ELAVL2: variants seen among roughly 807,000 people sequenced by gnomAD.
The protein encoded by ELAVL2 is ELAV like RNA binding protein 2.
In ELAVL2, 4 loss-of-function variants were observed where a neutral mutation model predicts 34.6. The observed-to-expected ratio is 0.12, with a 90% confidence interval of 0.06 to 0.26. The LOEUF (loss-of-function observed/expected upper bound fraction) is 0.26, where lower values mean the gene tolerates loss of function less well. Ranked by LOEUF, ELAVL2 falls within the 10% of genes least tolerant of loss-of-function variation. The probability of loss-of-function intolerance (pLI) is 1.00; values close to 1 mark genes in which losing one functional copy is unlikely to be tolerated. For missense variants in ELAVL2, 432 were observed against 442.8 expected, an observed-to-expected ratio of 0.98 and a Z score of 0.22; for synonymous variants, 193 against 154.8, an observed-to-expected ratio of 1.25 and a Z score of -1.83.
the ELAVL2 span, among the ~76,000 whole-genome samples, chr9:23,837,931 G>A: frequency 1.3e-5 from 2 of 152,132 alleles, no homozygotes; most frequent in Non-Finnish European, 2.9e-5. Flanking sequence ...ATAGGATTTT[G>A]AGAAATATTT....
chr9:23,765,944 A>T (rs1306586423), intron 1 of ELAVL2, among the ~76,000 whole-genome samples: 4 of 152,166 alleles, frequency 2.6e-5, no homozygotes, highest in Non-Finnish European at 4.4e-5. Context: ...CCAAATACCA[A>T]ACAGAGCCAT....
At chr9:23,733,561 G>A (rs987943893) in intron 2 of ELAVL2, among the ~76,000 whole-genome samples, 5 of 152,182 alleles carry the variant, frequency 3.3e-5, no homozygotes, top group Non-Finnish European at 5.9e-5. Flanking sequence ...GGTACACGTG[G>A]ATGTGTTTCT....
chr9:23,804,011 GA>G (rs1470173875), intron 1 of ELAVL2, among the ~76,000 whole-genome samples: 2 of 152,138 alleles, frequency 1.3e-5, no homozygotes, highest in African/African-American at 4.8e-5. Flanking sequence ...TCATATGTAG[GA>G]AAAGTGCAAA....
chr9:23,840,205 A>AG, the ELAVL2 span, among the ~76,000 whole-genome samples: 1 of 152,186 alleles, frequency 6.6e-6, no homozygotes, highest in Non-Finnish European at 1.5e-5. Flanking sequence ...TAAGTGACTA[A>AG]AGTATTTGTC....
intron 1 of ELAVL2, among the ~76,000 whole-genome samples, chr9:23,764,136 C>G (rs538803049): frequency 6.6e-6 from 1 of 152,058 alleles, no homozygotes. Context: ...AACCCTTGCC[C>G]AGCAGTTATG....
chr9:23,760,646 A>T (rs1476848485), intron 2 of ELAVL2, among the ~76,000 whole-genome samples: 2 of 152,074 alleles, frequency 1.3e-5, no homozygotes, highest in African/African-American at 2.4e-5. Context: ...GAAATTGAAA[A>T]ATCTCATCCA....
chr9:23,795,662 G>A (rs2060832577), intron 1 of ELAVL2, among the ~76,000 whole-genome samples: 1 of 152,136 alleles, frequency 6.6e-6, no homozygotes, highest in East Asian at 1.9e-4. Flanking sequence ...ATAAAATACA[G>A]AACCTCTTAC....
At chr9:23,705,577 CT>C (rs1325658372) in intron 3 of ELAVL2, among the ~76,000 whole-genome samples, 1 of 152,192 alleles carries the variant, frequency 6.6e-6, no homozygotes, top group Non-Finnish European at 1.5e-5. Context: ...GGTCCCCAAC[CT>C]TTTTGGTACC....
At chr9:23,823,348 G>C (rs2065067021) in intron 1 of ELAVL2, among the ~76,000 whole-genome samples, 1 of 152,160 alleles carries the variant, frequency 6.6e-6, no homozygotes, top group African/African-American at 2.4e-5. Flanking sequence ...AAAACTCTTA[G>C]AATGCCCTAC....
At chr9:23,795,413 C>T (rs1002633991) in intron 1 of ELAVL2, among the ~76,000 whole-genome samples, 2 of 152,046 alleles carry the variant, frequency 1.3e-5, no homozygotes, top group Non-Finnish European at 2.9e-5. Context: ...TGTGGTGGTA[C>T]ATGGCTGTAG....
At chr9:23,692,971 C>T in intron 6 of ELAVL2, 87 bp from the exon 7 acceptor site, 2 of 1,259,064 alleles carry the variant, frequency 1.6e-6, no homozygotes, top group Non-Finnish European at 2.2e-6. Flanking sequence ...CCTTTTCCAT[C>T]CCCAAGAATT....
chr9:23,694,873 CGTGT>C (rs539172313), intron 5 of ELAVL2, among the ~76,000 whole-genome samples: 3 of 151,656 alleles, frequency 2.0e-5, no homozygotes, highest in East Asian at 1.9e-4. Context: ...GTGCGTGGTG[CGTGT>C]GTGTGTGTGC....
At chr9:23,810,239 C>A (rs554181184) in intron 1 of ELAVL2, among the ~76,000 whole-genome samples, 30 of 151,896 alleles carry the variant, frequency 2.0e-4, no homozygotes, top group Non-Finnish European at 3.5e-4. Context: ...TCCTGCAAGT[C>A]AAGGATGCCA....
At chr9:23,725,516 T>C (rs1294769530) in intron 3 of ELAVL2, among the ~76,000 whole-genome samples, 1 of 152,210 alleles carries the variant, frequency 6.6e-6, no homozygotes, top group Non-Finnish European at 1.5e-5. Context: ...CATTCCTGCC[T>C]GCATACCCTC....
At chr9:23,694,672 T>C (rs2132750334) in intron 5 of ELAVL2, among the ~76,000 whole-genome samples, 1 of 152,316 alleles carries the variant, frequency 6.6e-6, no homozygotes, top group Non-Finnish European at 1.5e-5. Context: ...ACCTTTTAGT[T>C]TTGTAAAAGC....
chr9:23,776,443 C>T (rs1363118365), intron 1 of ELAVL2, among the ~76,000 whole-genome samples: 2 of 152,108 alleles, frequency 1.3e-5, no homozygotes, highest in Non-Finnish European at 2.9e-5. Flanking sequence ...TATACTCTCT[C>T]CCCAACACAG....
intron 2 of ELAVL2, among the ~76,000 whole-genome samples, chr9:23,760,960 C>T (rs2054842112): frequency 6.6e-6 from 1 of 151,954 alleles, no homozygotes; most frequent in Non-Finnish European, 1.5e-5. Context: ...CAAAAGTGAA[C>T]TTAGAAATGG....
chr9:23,745,259 C>G (rs1156745023), intron 2 of ELAVL2, among the ~76,000 whole-genome samples: 1 of 152,074 alleles, frequency 6.6e-6, no homozygotes, highest in Non-Finnish European at 1.5e-5. Context: ...TAGATTTTTA[C>G]AATCCCCAAA....
At chr9:23,820,025 T>A (rs1268414820) in intron 1 of ELAVL2, among the ~76,000 whole-genome samples, 3 of 152,038 alleles carry the variant, frequency 2.0e-5, no homozygotes, top group Admixed American at 6.6e-5. Flanking sequence ...ACCATTTATA[T>A]ATACCCAAAG....
Sources: gnomAD v4.1 joint callset for allele counts (sites outside exome capture counted in the v4.1 genomes callset) on GRCh38, gnomAD v4.1.1 for gene constraint, MANE v1.5 for transcripts, NCBI Gene and HGNC (gene_info 2026-07-23, HGNC 2026-07-21) for gene names.